SDK2: variants seen among roughly 807,000 people sequenced by gnomAD.
SDK2 encodes protein sidekick-2.
In SDK2, 105 loss-of-function variants were observed where a neutral mutation model predicts 253.9. That is an observed-to-expected ratio of 0.41 (90% CI 0.35 to 0.49). The LOEUF (loss-of-function observed/expected upper bound fraction) is 0.49, where lower values mean the gene tolerates loss of function less well. Among genes scored for constraint, SDK2 ranks in the 20% least tolerant of loss-of-function variants. The pLI is 0.06. For missense variants in SDK2, 2,608 were observed against 3,003.0 expected (o/e 0.87, Z 3.07); for synonymous variants, 1,249 against 1,234.9 (o/e 1.01, Z -0.24).
At chr17:73,538,537 T>A (rs1166455403) in intron 1 of SDK2, among the ~76,000 whole-genome samples, 1 of 152,176 alleles carries the variant, frequency 6.6e-6, no homozygotes, top group African/African-American at 2.4e-5. Context: ...ATAAGTAAAT[T>A]AAATGTGCAC....
chr17:73,388,973 T>TCCCCTTCCCCTTC (rs113883034), intron 29 of SDK2, among the ~76,000 whole-genome samples: 17 of 76,368 alleles, frequency 2.2e-4, no homozygotes, highest in African/African-American at 8.3e-4. Flanking sequence ...TCTCCTCCCT[T>TCCCCTTCCCCTTC]CCCTTCCCCT....
chr17:73,413,769 G>A (rs115787542), intron 18 of SDK2, among the ~76,000 whole-genome samples: 4,426 of 152,278 alleles, frequency 0.029, 134 homozygotes, highest in East Asian at 0.091. Flanking sequence ...GCAGTGCATA[G>A]AGTAGCTGCT....
In SDK2 at chr17:73,612,810, A is replaced by T. The variant is rs1404815725; in HGVS notation, c.64+31215T>A. ...TGCGCACCTGTAGTCCCAGCTACTC[A>T]GGAGGCTGAGGCAGGACAATCTCTT... is the stretch of plus-strand genomic sequence containing the variant. On this transcript the variant is annotated intron_variant, in intron 1 of 44. Transcript: ENST00000392650. This position sits in a 1 kb window ranked among gnomAD's most constrained non-coding sequence, Gnocchi z 4.4. Among the ~76,000 whole-genome samples the T allele has an allele frequency of 6.6e-6, 1 of 152,144 alleles. No homozygotes were observed. The highest frequency in any genetic ancestry group is 2.4e-5 in the African/African-American group (1 of 41,446).
At position 73,472,231 on chromosome 17, in the gene SDK2, C is replaced by A; in HGVS notation, c.225-13G>T. On this transcript the variant is annotated splice_polypyrimidine_tract_variant and intron_variant, in intron 2 of 44. Transcript: ENST00000392650. ...GGTGATCATGTATCTATGGGACAGA[C>A]GAGACAGCCAGTGAGCAAGTCAGGC... 1.3e-6 allele frequency: 2 copies of A among 1,545,580 alleles called. No individual in the cohort carries two copies. The highest frequency in any genetic ancestry group is 4.9e-5 in the East Asian group (2 of 40,880).
chr17:73,478,891 C>T (rs1385334079), intron 2 of SDK2, among the ~76,000 whole-genome samples: 4 of 152,368 alleles, frequency 2.6e-5, no homozygotes, highest in South Asian at 2.1e-4. Flanking sequence ...CGGTGATGCT[C>T]CCATGGAGGA....
intron 3 of SDK2, among the ~76,000 whole-genome samples, chr17:73,457,275 CTTCCTT>C (rs2063534006): frequency 1.8e-5 from 1 of 54,878 alleles, no homozygotes; most frequent in Non-Finnish European, 3.1e-5. Context: ...TCCTTCCTTC[CTTCCTT>C]CCTTCCCCCC....
intron 12 of SDK2, 99 bp downstream of exon 12, chr17:73,430,412 G>T: frequency 1.1e-6 from 1 of 880,534 alleles, no homozygotes; most frequent in Non-Finnish European, 1.8e-6. Flanking sequence ...GCGTGGCTCT[G>T]CAGCTGTTAC....
intron 1 of SDK2, among the ~76,000 whole-genome samples, chr17:73,628,033 C>T (rs975343223): frequency 7.9e-4 from 121 of 152,344 alleles, no homozygotes; most frequent in Non-Finnish European, 1.6e-3. Flanking sequence ...GCCTGGGCGA[C>T]AGAGCGAGAC....
chr17:73,450,805 G>T (rs2063485458), intron 4 of SDK2, among the ~76,000 whole-genome samples: 1 of 152,220 alleles, frequency 6.6e-6, no homozygotes, highest in South Asian at 2.1e-4. Context: ...CAAGGCCGGG[G>T]GTGTTGTTAA....
At chr17:73,402,196 A>C (rs2063034603) in intron 18 of SDK2, 55 bp from the exon 19 acceptor site, 12 of 1,552,768 alleles carry the variant, frequency 7.7e-6, no homozygotes, top group Non-Finnish European at 9.7e-6. Context: ...AGAGGAGGCC[A>C]AGCCCTCTCC....
In SDK2 at chr17:73,379,278, G is replaced by C; in HGVS notation, c.4879C>G (p.Pro1627Ala). The change falls in exon 36 of 45, where the codon CCT becomes GCT. Residue 1627 changes from proline (P) to alanine (A), a missense_variant. Coordinates refer to ENST00000392650, the MANE Select transcript of SDK2 (RefSeq NM_001144952.2). The surrounding 1 kb of genome is among the most constrained non-coding windows in gnomAD (Gnocchi z 4.5). The stretch of plus-strand genomic sequence containing the variant: ...GCGCCGTGGACGACCACGTTACGAG[G>C]TGCTGCTGTGGGCACTGGAGGGCGT... ...FVGEAVPTAAPRNVVVHGATA... is the reference protein window; with the variant it reads ...FVGEAVPTAAARNVVVHGATA... The C allele has an allele frequency of 1.3e-6, 2 of 1,554,802 alleles. No individual in the cohort carries two copies. The highest frequency in any genetic ancestry group is 1.7e-6 in the Non-Finnish European group (2 of 1,148,706).
intron 2 of SDK2, among the ~76,000 whole-genome samples, chr17:73,485,120 C>A (rs1253892995): frequency 1.3e-5 from 2 of 152,266 alleles, no homozygotes; most frequent in Admixed American, 6.5e-5. Flanking sequence ...AGAGGAGACA[C>A]AATTCAACTC....
Position 73,438,154 on chromosome 17 carries a change from C to G in SDK2, c.726G>C (p.Arg242Ser). ...EVTLECVANA[R>S]PLIKLHIIWK... ...AAATGATATGTAGCTTGATCAGGGG[C>G]CTGCAGAGGGCAAGGGAAGGCCAGT... is the stretch of plus-strand genomic sequence containing the variant. Residue 242 changes from arginine (R) to serine (S), a missense_variant and splice_region_variant, in exon 7 of 45, where the codon AGG (arginine) becomes AGC (serine). By Grantham distance (110) the Arg-to-Ser change is moderately radical. This residue lies in a region of SDK2 where 1,505 missense variants were observed against 1,859.1 expected (regional missense o/e 0.81). Transcript: ENST00000392650. The G allele has an allele frequency of 6.5e-7, 1 of 1,549,962 alleles. No homozygotes were observed. Among genetic ancestry groups the G allele is most frequent in the Middle Eastern group, 1.7e-4 (1 of 5,986 alleles).
At position 73,616,426 on chromosome 17, in the gene SDK2, T is replaced by C. The variant is rs905344304; in HGVS notation, c.64+27599A>G. On this transcript the variant is annotated intron_variant, in intron 1 of 44. Coordinates refer to ENST00000392650, the MANE Select transcript of SDK2 (RefSeq NM_001144952.2). This position sits in a 1 kb window ranked among gnomAD's most constrained non-coding sequence, Gnocchi z 5.2. ...AAAGAGGCAAGCAACGGTGATTTCC[T>C]TTCACTTGGGCAGGCTGACCGTGGC... 2.0e-5 allele frequency among the ~76,000 whole-genome samples: 3 copies of C among 151,942 alleles called. No individual in the cohort carries two copies. The highest frequency in any genetic ancestry group is 4.4e-5 in the Non-Finnish European group (3 of 67,980).
At chr17:73,358,637 T>A (rs1318367751) in intron 39 of SDK2, among the ~76,000 whole-genome samples, 1 of 151,996 alleles carries the variant, frequency 6.6e-6, no homozygotes, top group Non-Finnish European at 1.5e-5. Context: ...GGTGCGATGA[T>A]GGCAGAGTGG....
chr17:73,440,103 A>G (rs1229961819), intron 6 of SDK2, among the ~76,000 whole-genome samples: 3 of 143,644 alleles, frequency 2.1e-5, no homozygotes, highest in East Asian at 2.0e-4. Context: ...TCCAAAGCCC[A>G]TACTCTTTTT....
At chr17:73,369,541 C>A (rs927842376) in intron 36 of SDK2, among the ~76,000 whole-genome samples, 2 of 152,228 alleles carry the variant, frequency 1.3e-5, no homozygotes, top group African/African-American at 4.8e-5. Flanking sequence ...TCCTGGGGTC[C>A]GTGTGAGGGG....
intron 18 of SDK2, among the ~76,000 whole-genome samples, chr17:73,412,889 C>T (rs930540314): frequency 1.3e-5 from 2 of 152,160 alleles, no homozygotes; most frequent in Non-Finnish European, 2.9e-5. Flanking sequence ...GACACAGACA[C>T]AGAGTGAAGA....
chr17:73,627,800 G>T (rs2046220848), intron 1 of SDK2, among the ~76,000 whole-genome samples: 1 of 152,216 alleles, frequency 6.6e-6, no homozygotes, highest in South Asian at 2.1e-4. Context: ...TGTAATCCCA[G>T]CACTTTGGGA....
Sources: gnomAD v4.1 joint callset for allele counts (sites outside exome capture counted in the v4.1 genomes callset) on GRCh38, gnomAD v4.1.1 for gene constraint, gnomAD v4.1.1 regional missense constraint, Gnocchi (gnomAD v3.1) non-coding constraint, MANE v1.5 for transcripts, NCBI Gene and HGNC (gene_info 2026-07-23, HGNC 2026-07-21) for gene names.